The following EVX1 variants were observed in gnomAD, a reference collection of about 807,000 sequenced individuals.
The protein encoded by EVX1 is homeobox even-skipped homolog protein 1.
EVX1 carries 19 observed loss-of-function variants against 28.6 expected under a neutral mutation model. The observed-to-expected ratio is 0.67, with a 90% confidence interval of 0.46 to 0.98. The LOEUF is 0.98. Ranked by LOEUF, EVX1 falls within the 50% of genes least tolerant of loss-of-function variation. The pLI is 0.00. For synonymous variants in EVX1, 324 were observed against 278.2 expected (o/e 1.16, Z -1.64); for missense variants, 660 against 583.0 (o/e 1.13, Z -1.36).
chr7:27,246,110 G>C lies in EVX1; in HGVS notation c.909G>C (p.Ser303=), dbSNP rs201423153. The change falls in exon 3 of 3, where the codon TCG becomes TCC. Residue 303 remains serine (S), a synonymous_variant. Coordinates refer to ENST00000496902, the MANE Select transcript of EVX1 (RefSeq NM_001989.5). The part of the protein sequence containing the change: ...ASAAASPFSG[S]LRPLDTFRVL... ...CCGCCGCCTCGCCCTTCAGCGGCTC[G>C]CTGCGCCCGCTCGACACGTTCCGCG... 4 of 1,543,950 alleles carry C rather than the reference G, an allele frequency of 2.6e-6. No individual in the cohort carries two copies. Among genetic ancestry groups the C allele is most frequent in the Non-Finnish European group, 3.5e-6 (4 of 1,154,840 alleles).
chr7:27,243,072 T>A lies in EVX1; in HGVS notation c.42T>A (p.Gly14=), dbSNP rs764577333. ...ACATGGTTGTGTTTCTGGATGGGGG[T>A]CAGCTTGGCACTCTGGTTGGCAAGA... ...RKDMVVFLDG[G]QLGTLVGKRV... is the part of the protein sequence containing the mutation. Residue 14 remains glycine, a synonymous_variant, in exon 1 of 3, where the codon GGT becomes GGA. Transcript: ENST00000496902. 11 of 1,610,056 alleles carry A rather than the reference T, an allele frequency of 6.8e-6. No homozygotes were observed. The highest frequency in any genetic ancestry group is 8.5e-7 in the Non-Finnish European group (1 of 1,178,490).
chr7:27,245,972 T>G lies in EVX1; in HGVS notation c.771T>G (p.Thr257=), dbSNP rs1356189475. The stretch of plus-strand genomic sequence containing the variant: ...ACCCGGCGGACCCCGCCTTCTACAC[T>G]TACATGATGAGCCATGCGGCGGCCG... The part of the protein sequence containing the change: ...WPHPADPAFY[T]YMMSHAAAAG... The change falls in exon 3 of 3, where the codon ACT becomes ACG. Residue 257 remains threonine, a synonymous_variant. Transcript: ENST00000496902. 1 of 1,607,262 alleles carries G rather than the reference T, an allele frequency of 6.2e-7. No homozygotes were observed. Among genetic ancestry groups the G allele is most frequent in the Non-Finnish European group, 8.5e-7 (1 of 1,179,802 alleles).
intron 1 of EVX1, chr7:27,244,593 C>T: frequency 4.6e-6 from 3 of 651,534 alleles, no homozygotes; most frequent in Middle Eastern, 3.4e-4. Context: ...CATTCCCACA[C>T]CTGTTCTGGC....
Position 27,246,190 on chromosome 7 carries a change from C to G in EVX1, c.989C>G (p.Pro330Arg), listed in dbSNP as rs750025049. Reference sequence around the variant, plus strand: ...CTGCTGTGCGCCTTCCGCCACCCGCCGCTCTACCCCGGGCCCGCGCACGGA... The same window carrying G: ...CTGCTGTGCGCCTTCCGCCACCCGCGGCTCTACCCCGGGCCCGCGCACGGA... Reference protein sequence around the residue: ...PELLCAFRHPPLYPGPAHGLG... With the variant: ...PELLCAFRHPRLYPGPAHGLG... Residue 330 changes from proline to arginine, a missense_variant, in exon 3 of 3, where the codon CCG (proline) becomes CGG (arginine). Coordinates refer to ENST00000496902, the MANE Select transcript of EVX1 (RefSeq NM_001989.5). 1 of 1,491,042 alleles carries G rather than the reference C, an allele frequency of 6.7e-7. No individual in the cohort carries two copies. The highest frequency in any genetic ancestry group is 8.8e-7 in the Non-Finnish European group (1 of 1,130,520). 92.4% of individuals were successfully genotyped at this position (1,491,042 alleles called of 1,614,324 possible).
At chr7:27,243,547 T>C in intron 1 of EVX1, 90 bp downstream of exon 1, 3 of 1,372,116 alleles carry the variant, frequency 2.2e-6, no homozygotes, top group South Asian at 1.5e-5. Flanking sequence ...TCCCTTCCCC[T>C]AGGGCAGGAT....
chr7:27,245,977 T>C lies in EVX1; in HGVS notation c.776T>C (p.Met259Thr), dbSNP rs1783164250. The change falls in exon 3 of 3, where the codon ATG (methionine) becomes ACG (threonine). Residue 259 changes from methionine (M) to threonine (T), a missense_variant. Coordinates refer to ENST00000496902, the MANE Select transcript of EVX1 (RefSeq NM_001989.5). ...HPADPAFYTYMMSHAAAAGGL... is the reference protein window; with the variant it reads ...HPADPAFYTYTMSHAAAAGGL... ...GCGGACCCCGCCTTCTACACTTACA[T>C]GATGAGCCATGCGGCGGCCGCGGGC... is the stretch of plus-strand genomic sequence containing the variant. The C allele has an allele frequency of 6.2e-7, 1 of 1,605,984 alleles. No homozygotes were observed.
At position 27,245,304 on chromosome 7, in the gene EVX1, G is replaced by A; in HGVS notation, c.684G>A (p.Lys228=). Residue 228 remains lysine, a splice_region_variant and synonymous_variant, in exon 2 of 3, where the codon AAG becomes AAA. Coordinates refer to ENST00000496902, the MANE Select transcript of EVX1 (RefSeq NM_001989.5). The part of the protein sequence containing the change: ...AALNLPETTI[K]VWFQNRRMKD... ...TAAACCTGCCGGAAACCACCATCAA[G>A]GTATGCGGGGTCCAGGCTGGGGAGG... is the stretch of plus-strand genomic sequence containing the variant. The A allele has an allele frequency of 1.2e-6, 2 of 1,613,086 alleles. No homozygotes were observed. Among genetic ancestry groups the A allele is most frequent in the Non-Finnish European group, 1.7e-6 (2 of 1,179,834 alleles).
intron 1 of EVX1, chr7:27,244,368 G>GT (rs1251697365): frequency 2.3e-5 from 8 of 341,754 alleles, no homozygotes; most frequent in Non-Finnish European, 2.9e-5. Flanking sequence ...AAAGAGCCTG[G>GT]GGGCGGGGGG....
In EVX1 at chr7:27,243,163, C is replaced by A; in HGVS notation, c.133C>A (p.Arg45Ser). 1.3e-6 allele frequency: 2 copies of A among 1,590,058 alleles called. No homozygotes were observed. Among genetic ancestry groups the A allele is most frequent in the East Asian group, 2.3e-5 (1 of 43,846 alleles). ...LPEPPEKMVPRGCLSPRAVPP... is the reference protein window; with the variant it reads ...LPEPPEKMVPSGCLSPRAVPP... ...GGAGCCGCCCGAGAAAATGGTGCCC[C>A]GTGGTTGCCTGAGCCCTCGGGCCGT... Residue 45 changes from arginine to serine, a missense_variant, in exon 1 of 3, where the codon CGT becomes AGT. This residue lies in a region of EVX1 where 308 missense variants were observed against 256.6 expected (regional missense o/e 1.20). Coordinates refer to ENST00000496902, the MANE Select transcript of EVX1 (RefSeq NM_001989.5).
chr7:27,246,017 C>G lies in EVX1; in HGVS notation c.816C>G (p.Pro272=). 1.9e-6 allele frequency: 3 copies of G among 1,599,328 alleles called. No homozygotes were observed. Among genetic ancestry groups the G allele is most frequent in the Non-Finnish European group, 2.5e-6 (3 of 1,179,436 alleles). Residue 272 remains proline, a synonymous_variant, in exon 3 of 3, where the codon CCC becomes CCG. Coordinates refer to ENST00000496902, the MANE Select transcript of EVX1 (RefSeq NM_001989.5). ...CGGCCGCGGGCGGCCTGCCCTACCC[C>G]TTCCCATCGCACCTGCCCCTGCCCT... ...HAAAAGGLPY[P]FPSHLPLPYY...
At position 27,246,341 on chromosome 7, in the gene EVX1, C is replaced by T. The variant is rs761840770; in HGVS notation, c.1140C>T (p.Ser380=). ...GTGCCTCCACCTCCCGCTCGGACTC[C>T]TTCCTCACCTTCGCGCCCTCGGTGC... The part of the protein sequence containing the change: ...FTCASTSRSD[S]FLTFAPSVLS... Residue 380 remains serine, a synonymous_variant, in exon 3 of 3, where the codon TCC becomes TCT. Coordinates refer to ENST00000496902, the MANE Select transcript of EVX1 (RefSeq NM_001989.5). 6.2e-7 allele frequency: 1 copy of T among 1,601,546 alleles called. No individual in the cohort carries two copies. The highest frequency in any genetic ancestry group is 8.5e-7 in the Non-Finnish European group (1 of 1,178,666).
rs147870256 is a variant in EVX1, at chr7:27,243,079, G to A, written c.49G>A (p.Gly17Ser). The A allele has an allele frequency of 6.2e-7, 1 of 1,612,098 alleles. No individual in the cohort carries two copies. The highest frequency in any genetic ancestry group is 8.5e-7 in the Non-Finnish European group (1 of 1,179,214). The change falls in exon 1 of 3, where the codon GGC becomes AGC. Residue 17 changes from glycine to serine, a missense_variant. Gly to Ser is a moderately conservative substitution (Grantham distance 56, BLOSUM62 0). Transcript: ENST00000496902. ...MVVFLDGGQL[G>S]TLVGKRVSNL... Reference sequence around the variant, plus strand: ...TGTGTTTCTGGATGGGGGTCAGCTTGGCACTCTGGTTGGCAAGAGAGTCTC... The same window carrying A: ...TGTGTTTCTGGATGGGGGTCAGCTTAGCACTCTGGTTGGCAAGAGAGTCTC...
At position 27,245,969 on chromosome 7, in the gene EVX1, C is replaced by T; in HGVS notation, c.768C>T (p.Tyr256=). The change falls in exon 3 of 3, where the codon TAC becomes TAT. Residue 256 remains tyrosine (Y), a synonymous_variant. Transcript: ENST00000496902. ...CGCACCCGGCGGACCCCGCCTTCTA[C>T]ACTTACATGATGAGCCATGCGGCGG... ...TWPHPADPAF[Y]TYMMSHAAAA... The T allele has an allele frequency of 3.1e-6, 5 of 1,607,788 alleles. No homozygotes were observed. The highest frequency in any genetic ancestry group is 1.1e-5 in the South Asian group (1 of 91,068).
chr7:27,246,193 T>C lies in EVX1; in HGVS notation c.992T>C (p.Leu331Pro). ...CTGTGCGCCTTCCGCCACCCGCCGC[T>C]CTACCCCGGGCCCGCGCACGGACTG... is the stretch of plus-strand genomic sequence containing the variant. ...ELLCAFRHPP[L>P]YPGPAHGLGA... The change falls in exon 3 of 3, where the codon CTC becomes CCC. Residue 331 changes from leucine to proline, a missense_variant. This residue lies in a region of EVX1 where 299 missense variants were observed against 241.3 expected (regional missense o/e 1.24). Transcript: ENST00000496902. 6.7e-7 allele frequency: 1 copy of C among 1,495,426 alleles called. No individual in the cohort carries two copies. Among genetic ancestry groups the C allele is most frequent in the African/African-American group, 1.5e-5 (1 of 68,424 alleles). 92.6% of individuals were successfully genotyped at this position (1,495,426 alleles called of 1,614,324 possible).
intron 1 of EVX1, among the ~76,000 whole-genome samples, chr7:27,244,773 A>G (rs1305849942): frequency 1.3e-5 from 2 of 152,236 alleles, no homozygotes; most frequent in Non-Finnish European, 2.9e-5. Context: ...GCTCCAGGGC[A>G]GGTGGGAAGG....
Position 27,244,411 on chromosome 7 carries a change from C to T in EVX1, c.428-637C>T, listed in dbSNP as rs17472997. Reference sequence around the variant, plus strand: ...ACCACCCCCTGGTCTTGGCAGCCAACGCCTTGTTGAATACCTGCACCTACC... The same window carrying T: ...ACCACCCCCTGGTCTTGGCAGCCAATGCCTTGTTGAATACCTGCACCTACC... On this transcript the variant is annotated intron_variant, in intron 1 of 2. Transcript: ENST00000496902. 6,527 of 826,332 alleles carry T rather than the reference C, an allele frequency of 7.9e-3. 361 individuals carry two copies. The African/African-American group carries it at 0.11, about 14-fold the overall frequency. The allele number at this position is 826,332 out of a possible 1,614,324, so 51.2% of individuals were successfully genotyped here.
chr7:27,243,334 G>T lies in EVX1; in HGVS notation c.304G>T (p.Asp102Tyr). The T allele has an allele frequency of 6.3e-7, 1 of 1,599,638 alleles. No homozygotes were observed. The change falls in exon 1 of 3, where the codon GAC (aspartate) becomes TAC (tyrosine). Residue 102 changes from aspartate to tyrosine, a missense_variant. Physicochemically the swap from Asp to Tyr is radical, Grantham distance 160. Coordinates refer to ENST00000496902, the MANE Select transcript of EVX1 (RefSeq NM_001989.5). ...LGPGPPAPSV[D>Y]SLSGQGQPSS... ...CCCAGGACCCCCGGCCCCCTCAGTCGACAGCCTCTCCGGACAGGGGCAACC... is the reference window on the plus strand; with the variant it reads ...CCCAGGACCCCCGGCCCCCTCAGTCTACAGCCTCTCCGGACAGGGGCAACC...
Position 27,246,520 on chromosome 7 carries a change from G to GCTCCTCT in EVX1, c.*96_*97insTCCTCTC, listed in dbSNP as rs1369359775. 10 of 1,287,462 alleles carry GCTCCTCT rather than the reference G, an allele frequency of 7.8e-6. No individual in the cohort carries two copies. In the Middle Eastern group the frequency reaches 2.1e-3, roughly 266 times the overall value. The allele number at this position is 1,287,462 out of a possible 1,614,324, so 79.8% of individuals were successfully genotyped here. ...CCTCGCTCCTCGCTCCTCGCTCCTC[G>GCTCCTCT]CCCCTAGGACGCCAAGGGGGAAAGG... On this transcript the variant is annotated 3_prime_UTR_variant, in exon 3 of 3. Transcript: ENST00000496902.
At chr7:27,244,065 C>T (rs1039393318) in intron 1 of EVX1, 2 of 152,422 alleles carry the variant, frequency 1.3e-5, no homozygotes, top group African/African-American at 4.8e-5. Flanking sequence ...TCGGGTCCTC[C>T]CCCCTTCCCC....
Sources: gnomAD v4.1 joint callset for allele counts (sites outside exome capture counted in the v4.1 genomes callset) on GRCh38, gnomAD v4.1.1 for gene constraint, gnomAD v4.1.1 regional missense constraint, MANE v1.5 for transcripts, NCBI Gene and HGNC (gene_info 2026-07-23, HGNC 2026-07-21) for gene names.